Variants in PTPRT observed in about 807,000 individuals in gnomAD.
PTPRT encodes protein tyrosine phosphatase receptor type T, also known as receptor-type tyrosine-protein phosphatase T.
A neutral mutation model predicts 176.8 loss-of-function variants in PTPRT; 56 were observed. The ratio of observed to expected loss-of-function variants is 0.32; its 90% CI spans 0.26 to 0.40. PTPRT has a LOEUF of 0.40. Among genes scored for constraint, PTPRT ranks in the 10% least tolerant of loss-of-function variants. The pLI, the probability that PTPRT is intolerant of heterozygous loss-of-function variation, is 1.00. For missense variants in PTPRT, 1,540 were observed against 1,908.2 expected (o/e 0.81, Z 3.60); for synonymous variants, 783 against 739.0 (o/e 1.06, Z -0.96).
chr20:42,896,400 G>T (rs556169045), intron 1 of PTPRT, among the ~76,000 whole-genome samples: 1 of 152,280 alleles, frequency 6.6e-6, no homozygotes, highest in South Asian at 2.1e-4. Flanking sequence ...ACTTTGGGAG[G>T]CCTAGGCGGG....
intron 1 of PTPRT, among the ~76,000 whole-genome samples, chr20:43,088,013 G>A (rs1006749): frequency 0.56 from 84,891 of 151,968 alleles, 23,905 homozygotes; most frequent in East Asian, 0.75. Context: ...TTCTAGTTTC[G>A]AAGAGTTAGA....
intron 1 of PTPRT, among the ~76,000 whole-genome samples, chr20:43,129,939 T>C (rs1294910623): frequency 6.6e-6 from 1 of 152,062 alleles, no homozygotes; most frequent in Non-Finnish European, 1.5e-5. Flanking sequence ...TTTCGGGAGA[T>C]TTTGTAACAC....
chr20:42,467,317 G>A (rs751049166), intron 8 of PTPRT, among the ~76,000 whole-genome samples: 1 of 152,172 alleles, frequency 6.6e-6, no homozygotes, highest in African/African-American at 2.4e-5. Context: ...CATTTACAGT[G>A]GAGGGACCGG....
chr20:43,000,260 A>T (rs999101329), intron 1 of PTPRT, among the ~76,000 whole-genome samples: 2 of 152,236 alleles, frequency 1.3e-5, no homozygotes, highest in Non-Finnish European at 2.9e-5. Context: ...GGTGCCAAGG[A>T]AAACAAGTTA....
At chr20:42,464,230 T>G (rs1024190764) in intron 8 of PTPRT, among the ~76,000 whole-genome samples, 1 of 152,214 alleles carries the variant, frequency 6.6e-6, no homozygotes, top group African/African-American at 2.4e-5. Flanking sequence ...TTATGTGGAA[T>G]GGTCATTTAT....
At chr20:42,858,380 G>C (rs1051894289) in intron 2 of PTPRT, among the ~76,000 whole-genome samples, 5 of 152,116 alleles carry the variant, frequency 3.3e-5, no homozygotes, top group Non-Finnish European at 7.4e-5. Context: ...AACTTACCAG[G>C]GTTCTTACCG....
chr20:43,080,733 T>G (rs1242406751), intron 1 of PTPRT, among the ~76,000 whole-genome samples: 1 of 152,360 alleles, frequency 6.6e-6, no homozygotes, highest in South Asian at 2.1e-4. Flanking sequence ...AAGTGACATG[T>G]CACATGCAGG....
intron 1 of PTPRT, among the ~76,000 whole-genome samples, chr20:42,953,139 G>T (rs1301399604): frequency 6.6e-6 from 1 of 152,228 alleles, no homozygotes; most frequent in Non-Finnish European, 1.5e-5. Flanking sequence ...TCTGAGGGTG[G>T]AGGAAAGGAA....
chr20:42,077,916 C>T lies in PTPRT; in HGVS notation c.*2963G>A, dbSNP rs1982938671. The T allele has an allele frequency of 9.8e-6, 2 of 203,160 alleles. No homozygotes were observed. The highest frequency in any genetic ancestry group is 4.6e-5 in the African/African-American group (2 of 43,502). 12.6% of individuals were successfully genotyped at this position (203,160 alleles called of 1,614,324 possible). A position where few individuals can be genotyped will look rare whatever the true frequency, so the allele number is the denominator to read the frequency against. ...TCTTTTGTATCTGCCAGCTATTTCA[C>T]CCCTTCCTGAGCAGAAAAAAATCTT... On this transcript the variant is annotated 3_prime_UTR_variant, in exon 31 of 31. Coordinates refer to ENST00000373187, the MANE Select transcript of PTPRT (RefSeq NM_007050.6).
chr20:42,705,082 G>T (rs2076032144), intron 6 of PTPRT, among the ~76,000 whole-genome samples: 3 of 152,026 alleles, frequency 2.0e-5, no homozygotes, highest in African/African-American at 7.3e-5. Context: ...GTGCATGCCT[G>T]TAATCCCAGC....
chr20:42,903,708 G>C (rs1263414948), intron 1 of PTPRT, among the ~76,000 whole-genome samples: 1 of 152,172 alleles, frequency 6.6e-6, no homozygotes, highest in African/African-American at 2.4e-5. Flanking sequence ...TTTAAGGACA[G>C]AATACAAAGA....
chr20:42,374,031 G>C (rs1330601814), intron 9 of PTPRT, among the ~76,000 whole-genome samples: 1 of 152,194 alleles, frequency 6.6e-6, no homozygotes, highest in East Asian at 1.9e-4. Context: ...GAGAGGGCAA[G>C]TGACAGTCTA....
rs2058923168 is a variant in PTPRT, at chr20:42,402,895, TG to T, written c.1560+45324del. 1.1e-4 allele frequency among the ~76,000 whole-genome samples: 16 copies of T among 152,264 alleles called. No homozygotes were observed. The South Asian group carries it at 3.3e-3, about 32-fold the overall frequency. On this transcript the variant is annotated intron_variant, in intron 9 of 30. Coordinates refer to ENST00000373187, the MANE Select transcript of PTPRT (RefSeq NM_007050.6). ...TTGTATATGTTCATGCATGAGCATGTGGGTATTACAAGGACCACTATAACAT... is the reference window on the plus strand; with the variant it reads ...TTGTATATGTTCATGCATGAGCATGTGGTATTACAAGGACCACTATAACAT...
chr20:42,472,220 A>C, intron 8 of PTPRT, 46 bp downstream of exon 8: 1 of 1,578,124 alleles, frequency 6.3e-7, no homozygotes, highest in Non-Finnish European at 8.6e-7. Context: ...CCCTGTGAAT[A>C]GATTCAATAT....
At chr20:42,094,671 C>T (rs73129173) in intron 27 of PTPRT, among the ~76,000 whole-genome samples, 5,816 of 152,262 alleles carry the variant, frequency 0.038, 187 homozygotes, top group Middle Eastern at 0.065. Context: ...CAGCAGATCA[C>T]CTGAGATCAG....
chr20:42,941,001 G>A (rs1348074498), intron 1 of PTPRT, among the ~76,000 whole-genome samples: 4 of 151,902 alleles, frequency 2.6e-5, no homozygotes, highest in Non-Finnish European at 5.9e-5. Flanking sequence ...AGAATCGCTT[G>A]AACCTGGGAG....
rs1213055070 is a variant in PTPRT at position 42,210,684 on chromosome 20, T to C, written c.2343-11296A>G. 9.4e-4 allele frequency among the ~76,000 whole-genome samples: 143 copies of C among 151,384 alleles called. 3 individuals are homozygous for C. The highest frequency in any genetic ancestry group is 7.5e-3 in the Admixed American group (114 of 15,210). ...TGGAAGAACATTCCATGCTCATGGG[T>C]AGGAAGAATCAATATCGTGAAAATG... is the stretch of plus-strand genomic sequence containing the variant. On this transcript the variant is annotated intron_variant, in intron 15 of 30. Transcript: ENST00000373187.
chr20:43,131,955 G>GA lies in PTPRT; in HGVS notation c.88+57690dup, dbSNP rs890958410. 4.5e-4 allele frequency among the ~76,000 whole-genome samples: 68 copies of GA among 150,812 alleles called. No individual in the cohort carries two copies. In the South Asian group the frequency reaches 6.7e-3, roughly 15 times the overall value. ...TCCTCATCTATGCCTGAGCTAATAA[G>GA]AAAAAAAACACATCTTGATAAAATA... On this transcript the variant is annotated intron_variant, in intron 1 of 30. Transcript: ENST00000373187.
intron 7 of PTPRT, among the ~76,000 whole-genome samples, chr20:42,615,298 G>A (rs2074053213): frequency 7.3e-6 from 1 of 136,898 alleles, no homozygotes; most frequent in Non-Finnish European, 1.5e-5. Flanking sequence ...AGTATTCCAT[G>A]GTGTATATGT....
Sources: allele counts gnomAD v4.1 joint callset (sites outside exome capture counted in the v4.1 genomes callset), GRCh38; gene constraint gnomAD v4.1.1; transcripts MANE v1.5; gene names NCBI Gene and HGNC (gene_info 2026-07-23, HGNC 2026-07-21).